Variants in MOGAT1 observed in about 807,000 individuals in gnomAD.
MOGAT1 encodes 2-acylglycerol O-acyltransferase 1.
A neutral mutation model predicts 31.4 loss-of-function variants in MOGAT1; 32 were observed. The ratio of observed to expected loss-of-function variants is 1.02; its 90% CI spans 0.77 to 1.37. MOGAT1 has a LOEUF of 1.37. Among genes scored for constraint, MOGAT1 ranks in the 40% most tolerant of loss-of-function variants. The probability of loss-of-function intolerance (pLI) is 0.00; values close to 1 mark genes in which losing one functional copy is unlikely to be tolerated. For synonymous variants in MOGAT1, 145 were observed against 144.5 expected (o/e 1.00, Z -0.03); for missense variants, 426 against 402.0 (o/e 1.06, Z -0.51).
At position 222,705,063 on chromosome 2, in the gene MOGAT1, A is replaced by AT. The variant is rs770267857; in HGVS notation, c.854-4671dup. On this transcript the variant is annotated intron_variant, in intron 5 of 5. Coordinates refer to ENST00000446656, the MANE Select transcript of MOGAT1 (RefSeq NM_058165.3). Reference sequence around the variant, plus strand: ...TGGTTATTTTTTTGGTTATTTCTTGATTATATGCGAAACAAAGGGTGGATT... The same window carrying AT: ...TGGTTATTTTTTTGGTTATTTCTTGATTTATATGCGAAACAAAGGGTGGATT... 5.9e-5 allele frequency among the ~76,000 whole-genome samples: 9 copies of AT among 152,302 alleles called. No individual in the cohort carries two copies. In the East Asian group the frequency reaches 1.7e-3, roughly 29 times the overall value.
rs370183243 is a variant in MOGAT1, at chr2:222,688,406, C to A, written c.157C>A (p.Pro53Thr). ...IIHNYLFLYI[P>T]YLMWLYFDWH... Reference sequence around the variant, plus strand: ...ACACAACTATTTGTTCCTTTACATCCCTTATTTGATGTGGCTTTACTTTGA... The same window carrying A: ...ACACAACTATTTGTTCCTTTACATCACTTATTTGATGTGGCTTTACTTTGA... Residue 53 changes from proline (P) to threonine (T), a missense_variant, in exon 2 of 6, where the codon CCT (proline) becomes ACT (threonine). Coordinates refer to ENST00000446656, the MANE Select transcript of MOGAT1 (RefSeq NM_058165.3). The A allele has an allele frequency of 4.3e-6, 7 of 1,613,366 alleles. No individual in the cohort carries two copies. The highest frequency in any genetic ancestry group is 5.9e-6 in the Non-Finnish European group (7 of 1,179,622).
chr2:222,705,819 T>C (rs1213851648), intron 5 of MOGAT1, among the ~76,000 whole-genome samples: 1 of 152,200 alleles, frequency 6.6e-6, no homozygotes, highest in East Asian at 1.9e-4. Flanking sequence ...GGCAGCTATA[T>C]TGGAACTGAA....
intron 5 of MOGAT1, among the ~76,000 whole-genome samples, chr2:222,701,472 AAGAG>A (rs962170936): frequency 6.6e-6 from 1 of 150,472 alleles, no homozygotes; most frequent in Non-Finnish European, 1.5e-5. Context: ...AAAAGAAAGA[AAGAG>A]AAAGAAAGAA....
intron 5 of MOGAT1, among the ~76,000 whole-genome samples, chr2:222,707,361 G>GAGAAAGAAAGAGAA (rs1355139373): frequency 8.3e-6 from 1 of 120,872 alleles, no homozygotes; most frequent in East Asian, 2.3e-4. Context: ...AAGAAAGAAA[G>GAGAAAGAAAGAGAA]AGAAAGAAAG....
chr2:222,696,241 T>C (rs550766090), intron 5 of MOGAT1, among the ~76,000 whole-genome samples: 1 of 152,362 alleles, frequency 6.6e-6, no homozygotes, highest in African/African-American at 2.4e-5. Flanking sequence ...TGTGCAAGTA[T>C]ATTTTTCGTA....
chr2:222,691,192 AT>A (rs1364714210), intron 3 of MOGAT1, among the ~76,000 whole-genome samples: 4 of 84,248 alleles, frequency 4.7e-5, no homozygotes, highest in African/African-American at 3.9e-4. Flanking sequence ...TTATTTATTT[AT>A]TTTTTATTTT....
At position 222,671,774 on chromosome 2, in the gene MOGAT1, C is replaced by T. The variant is rs1237180546; in HGVS notation, c.-12C>T. On this transcript the variant is annotated 5_prime_UTR_variant, in exon 1 of 6. Transcript: ENST00000446656. ...GCTGCAGTGGCTGGCGCCGTCCTCG[C>T]CCGGCCAGGCCATGAAGGTAGAGTT... 3 of 1,549,168 alleles carry T rather than the reference C, an allele frequency of 1.9e-6. No individual in the cohort carries two copies. The highest frequency in any genetic ancestry group is 1.4e-5 in the African/African-American group (1 of 73,028).
Position 222,688,538 on chromosome 2 carries a change from T to G in MOGAT1, c.273+16T>G. On this transcript the variant is annotated intron_variant, in intron 2 of 5. Coordinates refer to ENST00000446656, the MANE Select transcript of MOGAT1 (RefSeq NM_058165.3). Reference sequence around the variant, plus strand: ...TCCAATTCATGTGAGTACAGTTGTTTTATAAAGTATTATTTTGATTTAGGA... The same window carrying G: ...TCCAATTCATGTGAGTACAGTTGTTGTATAAAGTATTATTTTGATTTAGGA... 1 of 1,557,476 alleles carries G rather than the reference T, an allele frequency of 6.4e-7. No individual in the cohort carries two copies. Among genetic ancestry groups the G allele is most frequent in the Non-Finnish European group, 8.7e-7 (1 of 1,145,076 alleles).
chr2:222,709,499 A>C (rs1382968218), intron 5 of MOGAT1, among the ~76,000 whole-genome samples: 1 of 152,356 alleles, frequency 6.6e-6, no homozygotes. Flanking sequence ...TTTGACTCAA[A>C]GTCAAAACCA....
chr2:222,690,388 C>A (rs184175196), intron 3 of MOGAT1, among the ~76,000 whole-genome samples: 2 of 151,936 alleles, frequency 1.3e-5, no homozygotes, highest in Non-Finnish European at 1.5e-5. Context: ...AGTGAAACCC[C>A]GTCTCTACTA....
chr2:222,687,113 C>CAAAAAAAAAAAAAAAAAA (rs1177781176), intron 1 of MOGAT1, among the ~76,000 whole-genome samples: 17 of 22,430 alleles, frequency 7.6e-4, no homozygotes, highest in East Asian at 2.4e-3. Flanking sequence ...GACTCCATCT[C>CAAAAAAAAAAAAAAAAAA]AAAAAAAAAA....
At chr2:222,709,540 G>A (rs561580966) in intron 5 of MOGAT1, among the ~76,000 whole-genome samples, 196 bp from the exon 6 acceptor site, 1 of 152,352 alleles carries the variant, frequency 6.6e-6, no homozygotes, top group Non-Finnish European at 1.5e-5. Context: ...TGTCTGCTGA[G>A]GAGGAAAGTT....
intron 1 of MOGAT1, among the ~76,000 whole-genome samples, chr2:222,686,692 G>A (rs151081859): frequency 9.9e-5 from 15 of 152,254 alleles, no homozygotes; most frequent in African/African-American, 3.4e-4. Context: ...AGGTGTGGAG[G>A]ACACATGCTA....
At chr2:222,674,523 TC>T (rs1447354825) in intron 1 of MOGAT1, among the ~76,000 whole-genome samples, 1 of 152,166 alleles carries the variant, frequency 6.6e-6, no homozygotes, top group Non-Finnish European at 1.5e-5. Flanking sequence ...AAATTGATCA[TC>T]ATGGGGATTG....
At chr2:222,700,929 T>C (rs937040596) in intron 5 of MOGAT1, among the ~76,000 whole-genome samples, 2 of 152,188 alleles carry the variant, frequency 1.3e-5, no homozygotes, top group African/African-American at 4.8e-5. Flanking sequence ...GAGCGGCAAG[T>C]TATTCTGTGG....
chr2:222,677,934 A>G, intron 1 of MOGAT1: 1 of 273,816 alleles, frequency 3.7e-6, no homozygotes, highest in South Asian at 5.0e-5. Context: ...GAAACTCATC[A>G]TAATCCTTTA....
intron 1 of MOGAT1, 122 bp downstream of exon 1, chr2:222,672,001 G>C (rs1440919350): frequency 4.1e-6 from 3 of 732,694 alleles, no homozygotes; most frequent in Non-Finnish European, 6.9e-6. Context: ...AGAGCAGGCA[G>C]GTCAAAGAGG....
In MOGAT1 at chr2:222,689,307, T is replaced by C; in HGVS notation, c.316T>C (p.Phe106Leu). 6.2e-7 allele frequency: 1 copy of C among 1,614,038 alleles called. No homozygotes were observed. The change falls in exon 3 of 6, where the codon TTT becomes CTT. Residue 106 changes from phenylalanine to leucine, a missense_variant. Coordinates refer to ENST00000446656, the MANE Select transcript of MOGAT1 (RefSeq NM_058165.3). ...TTTGGATCCAAGTCACAACTATATATTTGGGTTTCACCCCCATGGAATAAT... is the reference window on the plus strand; with the variant it reads ...TTTGGATCCAAGTCACAACTATATACTTGGGTTTCACCCCCATGGAATAAT... ...QDLDPSHNYIFGFHPHGIMAV... is the reference protein window; with the variant it reads ...QDLDPSHNYILGFHPHGIMAV...
intron 1 of MOGAT1, among the ~76,000 whole-genome samples, chr2:222,685,403 G>C (rs2106034971): frequency 6.6e-6 from 1 of 152,210 alleles, no homozygotes; most frequent in Admixed American, 6.5e-5. Flanking sequence ...TGAAGATCAA[G>C]AGCTCATAGA....
Sources: allele counts gnomAD v4.1 joint callset (sites outside exome capture counted in the v4.1 genomes callset), GRCh38; gene constraint gnomAD v4.1.1; transcripts MANE v1.5; gene names NCBI Gene and HGNC (gene_info 2026-07-23, HGNC 2026-07-21).